DMD: variants seen among roughly 807,000 people sequenced by gnomAD.
DMD encodes the protein mutant dystrophin.
A neutral mutation model predicts 330.1 loss-of-function variants in DMD; 63 were observed. That is an observed-to-expected ratio of 0.19 (90% CI 0.16 to 0.24). The LOEUF is 0.24. Ranked by LOEUF, DMD falls within the 10% of genes least tolerant of loss-of-function variation. DMD has a pLI of 1.00. For synonymous variants in DMD, 1,223 were observed against 959.8 expected (o/e 1.27, Z -5.07); for missense variants, 3,344 against 2,684.1 (o/e 1.25, Z -5.43).
chrX:32,530,756 A>G (rs934825937), intron 17 of DMD, among the ~76,000 whole-genome samples: 1 of 112,016 alleles, frequency 8.9e-6, no homozygotes, highest in African/African-American at 3.2e-5. Flanking sequence ...TTCATTTTCA[A>G]TAAATTGAAA....
intron 5 of DMD, among the ~76,000 whole-genome samples, 155 bp downstream of exon 5, chrX:32,823,140 A>G (rs1229207748): frequency 2.7e-5 from 3 of 111,909 alleles, no homozygotes; most frequent in African/African-American, 6.5e-5. Flanking sequence ...GATCCTTAAC[A>G]TTTCAGACGA....
chrX:33,202,936 A>G (rs941761551), intron 1 of DMD, among the ~76,000 whole-genome samples: 1 of 111,762 alleles, frequency 8.9e-6, no homozygotes, highest in African/African-American at 3.2e-5. Context: ...GTTGCTCAAT[A>G]TCATATTACT....
chrX:32,283,028 A>T (rs1420387483), intron 43 of DMD, among the ~76,000 whole-genome samples: 2 of 112,172 alleles, frequency 1.8e-5, no homozygotes, highest in Non-Finnish European at 3.8e-5. Flanking sequence ...ATGTCAGTGA[A>T]CTTCACAGGA....
At chrX:31,761,133 C>T (rs2089552757) in intron 51 of DMD, among the ~76,000 whole-genome samples, 1 of 110,429 alleles carries the variant, frequency 9.1e-6, no homozygotes, top group African/African-American at 3.3e-5. Flanking sequence ...GATCCGCCCG[C>T]CTCATCCTCC....
At chrX:32,656,055 C>T (rs1002970810) in intron 9 of DMD, among the ~76,000 whole-genome samples, 12 of 111,595 alleles carry the variant, frequency 1.1e-4, no homozygotes, top group Non-Finnish European at 3.8e-5. Flanking sequence ...TATCTTTCTT[C>T]ACCCTTTATG....
At chrX:32,539,845 A>G (rs2048334396) in intron 17 of DMD, among the ~76,000 whole-genome samples, 1 of 111,627 alleles carries the variant, frequency 9.0e-6, no homozygotes, top group Non-Finnish European at 1.9e-5. Flanking sequence ...TTATCCTCCT[A>G]TGTAGTTAGG....
At chrX:32,625,274 T>A (rs144084977) in intron 11 of DMD, among the ~76,000 whole-genome samples, 2,761 of 112,343 alleles carry the variant, frequency 0.025, 32 homozygotes, top group Non-Finnish European at 0.037. Flanking sequence ...ACTATAGGTA[T>A]ACATATATAA....
intron 72 of DMD, among the ~76,000 whole-genome samples, chrX:31,172,805 C>G (rs2148218211): frequency 9.0e-6 from 1 of 111,701 alleles, no homozygotes; most frequent in East Asian, 2.8e-4. Context: ...ACACAGCTAG[C>G]TAATGCTTTT....
At chrX:32,712,557 G>C (rs1383168223) in intron 7 of DMD, among the ~76,000 whole-genome samples, 1 of 111,422 alleles carries the variant, frequency 9.0e-6, no homozygotes, top group African/African-American at 3.3e-5. Flanking sequence ...GAAGATATTT[G>C]TACTATGCAT....
At chrX:32,753,744 A>T (rs1274376653) in intron 7 of DMD, among the ~76,000 whole-genome samples, 1 of 112,329 alleles carries the variant, frequency 8.9e-6, no homozygotes, top group Admixed American at 9.4e-5. Context: ...CATTTTTAGA[A>T]TATTTATAAT....
chrX:32,889,869 C>G (rs193276443), intron 2 of DMD, among the ~76,000 whole-genome samples: 59 of 111,408 alleles, frequency 5.3e-4, no homozygotes, highest in African/African-American at 1.8e-3. Context: ...TTGGTGGTCT[C>G]TTCACTCGGA....
At chrX:32,952,573 A>G (rs66506273) in intron 2 of DMD, among the ~76,000 whole-genome samples, 23,158 of 110,783 alleles carry the variant, frequency 0.21, 1,858 homozygotes, top group East Asian at 0.38. Flanking sequence ...GTCACAACTC[A>G]TAACATATTT....
intron 73 of DMD, among the ~76,000 whole-genome samples, chrX:31,171,217 A>G (rs1057312628): frequency 5.4e-5 from 6 of 111,902 alleles, no homozygotes; most frequent in Non-Finnish European, 9.4e-5. Context: ...TGTTTGAAGG[A>G]AGTAAGTCAT....
chrX:31,879,207 G>GGC (rs1556965764), intron 47 of DMD, among the ~76,000 whole-genome samples: 3 of 22,585 alleles, frequency 1.3e-4, no homozygotes, highest in African/African-American at 2.0e-4. Flanking sequence ...CATTCTACAT[G>GGC]GCGGGGGGGG....
chrX:31,829,596 T>C (rs1015540553), intron 49 of DMD, among the ~76,000 whole-genome samples: 2 of 111,668 alleles, frequency 1.8e-5, no homozygotes, highest in Admixed American at 1.9e-4. Context: ...CTTCTAGAAA[T>C]AGATATTATT....
intron 7 of DMD, among the ~76,000 whole-genome samples, chrX:32,765,220 A>G (rs914458761): frequency 3.6e-5 from 4 of 110,803 alleles, no homozygotes; most frequent in Non-Finnish European, 5.7e-5. Flanking sequence ...GTAATCCCCA[A>G]TGTTGGAGTT....
intron 1 of DMD, among the ~76,000 whole-genome samples, chrX:33,267,651 A>G (rs1284186785): frequency 8.9e-6 from 1 of 111,924 alleles, no homozygotes; most frequent in Non-Finnish European, 1.9e-5. Flanking sequence ...TAGAACTTCC[A>G]ACTATGCTAC....
At chrX:31,400,451 G>A (rs769888002) in intron 60 of DMD, among the ~76,000 whole-genome samples, 1 of 111,328 alleles carries the variant, frequency 9.0e-6, no homozygotes, top group Admixed American at 9.6e-5. Context: ...CAAACACCTT[G>A]GGCACATGTC....
chrX:31,938,003 G>A (rs569823028), intron 45 of DMD, among the ~76,000 whole-genome samples: 33 of 111,723 alleles, frequency 3.0e-4, no homozygotes, highest in African/African-American at 8.1e-4. Flanking sequence ...AAGGAAGCAC[G>A]TATTACGATG....
Sources: allele counts gnomAD v4.1 joint callset (sites outside exome capture counted in the v4.1 genomes callset), GRCh38; gene constraint gnomAD v4.1.1; transcripts MANE v1.5; gene names NCBI Gene and HGNC (gene_info 2026-07-23, HGNC 2026-07-21).